SAMD5: variants seen among roughly 807,000 people sequenced by gnomAD.
SAMD5 encodes sterile alpha motif domain containing 5.
A neutral mutation model predicts 11.3 loss-of-function variants in SAMD5; 13 were observed. The ratio of observed to expected loss-of-function variants is 1.15; its 90% confidence interval spans 0.75 to 1.83. SAMD5 has a LOEUF of 1.83. Among genes scored for constraint, SAMD5 ranks in the 40% most tolerant of loss-of-function variants. SAMD5 has a pLI of 0.00. For missense variants in SAMD5, 255 were observed against 239.1 expected (o/e 1.07, Z -0.44); for synonymous variants, 129 against 111.3 (o/e 1.16, Z -1.00).
At chr6:147,605,574 A>T (rs1789687209) in intron 1 of SAMD5, among the ~76,000 whole-genome samples, 1 of 152,214 alleles carries the variant, frequency 6.6e-6, no homozygotes, top group Non-Finnish European at 1.5e-5. Context: ...TAAACAAAGC[A>T]ATGTACAGAA....
chr6:147,562,958 T>C (rs968112446), intron 1 of SAMD5, among the ~76,000 whole-genome samples: 2 of 152,216 alleles, frequency 1.3e-5, no homozygotes, highest in African/African-American at 2.4e-5. Context: ...TTCAGATAGG[T>C]TGAAGATTAC....
At chr6:147,838,537 C>CCA in the SAMD5 span, among the ~76,000 whole-genome samples, 6 of 144,730 alleles carry the variant, frequency 4.1e-5, no homozygotes, top group Non-Finnish European at 9.1e-5. Flanking sequence ...TCCTGCCCCC[C>CCA]CCCCGTAGTT....
the SAMD5 span, among the ~76,000 whole-genome samples, chr6:147,746,658 C>T: frequency 1.2e-4 from 19 of 152,054 alleles, no homozygotes; most frequent in Admixed American, 2.0e-4. Context: ...ATAGCCAGTC[C>T]GATGTCTTCA....
chr6:147,508,903 T>C lies in SAMD5; in HGVS notation c.-26T>C. On this transcript the variant is annotated 5_prime_UTR_variant, in exon 1 of 2. Coordinates refer to ENST00000367474, the MANE Select transcript of SAMD5 (RefSeq NM_001030060.3). The stretch of plus-strand genomic sequence containing the variant: ...TGCCATTTGGGCGCTGGGAAGGTGC[T>C]CGGCGGCGGGGTTCCCGGTCCCACC... 7 of 1,584,044 alleles carry C rather than the reference T, an allele frequency of 4.4e-6. No individual in the cohort carries two copies. The highest frequency in any genetic ancestry group is 6.0e-6 in the Non-Finnish European group (7 of 1,166,466).
At chr6:147,559,898 T>A (rs1788920894) in intron 1 of SAMD5, among the ~76,000 whole-genome samples, 1 of 152,206 alleles carries the variant, frequency 6.6e-6, no homozygotes, top group Non-Finnish European at 1.5e-5. Flanking sequence ...GGAGCCAGCC[T>A]GAGCCTTCCC....
At chr6:147,835,739 G>C in the SAMD5 span, among the ~76,000 whole-genome samples, 1 of 152,138 alleles carries the variant, frequency 6.6e-6, no homozygotes, top group African/African-American at 2.4e-5. Context: ...GGAGACTGGA[G>C]AGAAGCAAGG....
chr6:147,926,420 A>G, the SAMD5 span, among the ~76,000 whole-genome samples: 1 of 151,718 alleles, frequency 6.6e-6, no homozygotes, highest in African/African-American at 2.4e-5. Flanking sequence ...TTTGATTTGC[A>G]TTTTTCTAAT....
chr6:147,756,166 T>A, the SAMD5 span, among the ~76,000 whole-genome samples: 1 of 151,972 alleles, frequency 6.6e-6, no homozygotes, highest in Non-Finnish European at 1.5e-5. Context: ...AGTCAAAGAG[T>A]TGCTGTAATA....
chr6:147,565,561 G>A lies in SAMD5; in HGVS notation c.*1105G>A. 2 of 541,520 alleles carry A rather than the reference G, an allele frequency of 3.7e-6. No individual in the cohort carries two copies. The highest frequency in any genetic ancestry group is 4.7e-6 in the Non-Finnish European group (2 of 425,034). 33.5% of individuals were successfully genotyped at this position (541,520 alleles called of 1,614,324 possible). On this transcript the variant is annotated 3_prime_UTR_variant, in exon 2 of 2. Transcript: ENST00000367474. ...GTGACTTTCGCCTCCCAGGTTCAAG[G>A]AATTCTCCTGCCTCGGCCTCTTGGT...
the SAMD5 span, among the ~76,000 whole-genome samples, chr6:147,906,025 C>A: frequency 6.6e-6 from 1 of 152,074 alleles, no homozygotes; most frequent in African/African-American, 2.4e-5. Flanking sequence ...GAATTAGTGG[C>A]CCTGGACAGT....
the SAMD5 span, among the ~76,000 whole-genome samples, chr6:147,938,798 A>G: frequency 3.9e-5 from 6 of 152,292 alleles, no homozygotes; most frequent in East Asian, 5.8e-4. Flanking sequence ...TCGACTTGGT[A>G]TGTACTGTTT....
At chr6:147,742,250 T>TTG (rs144219323), downstream of SAMD5, among the ~76,000 whole-genome samples, 3 of 151,662 alleles carry the variant, frequency 2.0e-5, no homozygotes, top group African/African-American at 4.8e-5. Context: ...GTGTGTGTGT[T>TTG]TGTGTGTGTG....
intron 1 of SAMD5, among the ~76,000 whole-genome samples, chr6:147,671,384 A>G (rs1049332293): frequency 6.6e-6 from 1 of 152,206 alleles, no homozygotes; most frequent in Non-Finnish European, 1.5e-5. Flanking sequence ...ATCTGTGAAG[A>G]GTGCAGTATC....
the SAMD5 span, among the ~76,000 whole-genome samples, chr6:147,894,149 G>C: frequency 6.8e-6 from 1 of 146,218 alleles, no homozygotes; most frequent in Non-Finnish European, 1.5e-5. Context: ...TTTTGAGATG[G>C]AGTCTCGTTC....
At chr6:147,527,016 A>G (rs1246937912) in intron 1 of SAMD5, among the ~76,000 whole-genome samples, 2 of 152,168 alleles carry the variant, frequency 1.3e-5, no homozygotes, top group Admixed American at 1.3e-4. Context: ...GGAGTTCCTA[A>G]TCTCTTTATC....
chr6:147,833,471 G>A, the SAMD5 span, among the ~76,000 whole-genome samples: 1 of 152,140 alleles, frequency 6.6e-6, no homozygotes, highest in African/African-American at 2.4e-5. Context: ...ACGTTAGACT[G>A]TGTTTATGGA....
the SAMD5 span, among the ~76,000 whole-genome samples, chr6:147,845,538 A>G: frequency 6.6e-6 from 1 of 152,198 alleles, no homozygotes; most frequent in Non-Finnish European, 1.5e-5. Context: ...CTCAAAACTC[A>G]ACAATTTTAA....
intron 1 of SAMD5, among the ~76,000 whole-genome samples, chr6:147,640,117 A>G (rs1298944953): frequency 2.0e-5 from 3 of 151,902 alleles, no homozygotes; most frequent in Non-Finnish European, 4.4e-5. Flanking sequence ...CACGAGGTAA[A>G]GAGATCGCGA....
chr6:147,928,036 A>C, the SAMD5 span, among the ~76,000 whole-genome samples: 8 of 152,264 alleles, frequency 5.3e-5, no homozygotes, highest in Non-Finnish European at 1.2e-4. Context: ...GTGGTGGATA[A>C]ACTTTTTGAT....
Sources: allele counts gnomAD v4.1 joint callset (sites outside exome capture counted in the v4.1 genomes callset), GRCh38; gene constraint gnomAD v4.1.1; transcripts MANE v1.5; gene names NCBI Gene and HGNC (gene_info 2026-07-23, HGNC 2026-07-21).